DCLK1: variants seen among roughly 807,000 people sequenced by gnomAD.
The protein encoded by DCLK1 is doublecortin like kinase 1, also known as serine/threonine-protein kinase DCLK1.
A neutral mutation model predicts 86.2 loss-of-function variants in DCLK1; 16 were observed. That is an observed-to-expected ratio of 0.19 (90% CI 0.13 to 0.28). The LOEUF (loss-of-function observed/expected upper bound fraction) is 0.28. Ranked by LOEUF, DCLK1 falls within the 10% of genes least tolerant of loss-of-function variation. The pLI is 1.00. For missense variants in DCLK1, 590 were observed against 940.2 expected (o/e 0.63, Z 4.87); for synonymous variants, 369 against 370.5 (o/e 1.00, Z 0.05).
chr13:35,813,527 G>A (rs2087196326), intron 11 of DCLK1, among the ~76,000 whole-genome samples: 1 of 151,926 alleles, frequency 6.6e-6, no homozygotes, highest in Non-Finnish European at 1.5e-5. Flanking sequence ...GAAAAATATA[G>A]TTCAAAGTTT....
chr13:35,795,396 C>T (rs1308069859), intron 15 of DCLK1, among the ~76,000 whole-genome samples: 1 of 152,180 alleles, frequency 6.6e-6, no homozygotes, highest in Non-Finnish European at 1.5e-5. Flanking sequence ...GAATTGAAGC[C>T]TTCATCTCCA....
intron 2 of DCLK1, 37 bp downstream of exon 2, chr13:36,125,725 C>A: frequency 6.3e-7 from 1 of 1,582,830 alleles, no homozygotes; most frequent in Non-Finnish European, 8.6e-7. Flanking sequence ...AGCCTGGAAC[C>A]TGTAGGGTCA....
At chr13:36,113,550 A>T (rs1396630889) in intron 2 of DCLK1, among the ~76,000 whole-genome samples, 4 of 152,110 alleles carry the variant, frequency 2.6e-5, no homozygotes, top group Admixed American at 2.6e-4. Flanking sequence ...TTTGGGTACT[A>T]TAGAAACAGC....
intron 4 of DCLK1, among the ~76,000 whole-genome samples, chr13:35,872,760 C>T (rs1872359157): frequency 6.6e-6 from 1 of 151,934 alleles, no homozygotes; most frequent in Non-Finnish European, 1.5e-5. Context: ...TTGTTCTTTC[C>T]CCTTCAATAT....
At chr13:35,827,806 C>A in intron 9 of DCLK1, 52 bp from the exon 10 acceptor site, 1 of 1,604,606 alleles carries the variant, frequency 6.2e-7, no homozygotes, top group Non-Finnish European at 8.5e-7. Flanking sequence ...ATGTGGAGGG[C>A]TAACTCAAAT....
Position 35,871,214 on chromosome 13 carries a change from G to A in DCLK1, c.940+10C>T, listed in dbSNP as rs376432651. On this transcript the variant is annotated intron_variant, in intron 5 of 16. Transcript: ENST00000360631. ...AGGCAATTTCTTCAAAATCCCCTCT[G>A]CTGCTTTACCTGAGCTGGTGGAGGC... is the stretch of plus-strand genomic sequence containing the variant. The A allele has an allele frequency of 3.1e-6, 5 of 1,608,692 alleles. No homozygotes were observed. The highest frequency in any genetic ancestry group is 1.1e-5 in the South Asian group (1 of 90,810).
intron 3 of DCLK1, among the ~76,000 whole-genome samples, chr13:35,964,297 A>G (rs1307755691): frequency 1.3e-5 from 2 of 152,202 alleles, no homozygotes; most frequent in African/African-American, 4.8e-5. Flanking sequence ...AATTTGTAAT[A>G]TAGGATTGTG....
chr13:35,969,675 G>A (rs1362459278), intron 3 of DCLK1, among the ~76,000 whole-genome samples: 4 of 152,158 alleles, frequency 2.6e-5, no homozygotes, highest in Non-Finnish European at 5.9e-5. Context: ...CCTAAGAAAC[G>A]CTGGCCCTCC....
At chr13:35,869,319 G>A (rs1330533887) in intron 5 of DCLK1, among the ~76,000 whole-genome samples, 1 of 152,170 alleles carries the variant, frequency 6.6e-6, no homozygotes, top group Non-Finnish European at 1.5e-5. Flanking sequence ...CCTGGGGAAG[G>A]GATCATCTTC....
intron 3 of DCLK1, among the ~76,000 whole-genome samples, chr13:36,098,379 C>T (rs1885086470): frequency 6.6e-6 from 1 of 152,202 alleles, no homozygotes; most frequent in African/African-American, 2.4e-5. Flanking sequence ...ACTGATCTGA[C>T]ACACTTTCTT....
At chr13:36,089,090 T>C (rs1041059354) in intron 3 of DCLK1, among the ~76,000 whole-genome samples, 6 of 152,208 alleles carry the variant, frequency 3.9e-5, no homozygotes, top group Admixed American at 1.3e-4. Flanking sequence ...AAGTTGGAGG[T>C]GAAAAGTCTG....
intron 4 of DCLK1, among the ~76,000 whole-genome samples, chr13:35,907,327 T>C (rs1874742621): frequency 1.3e-5 from 2 of 152,080 alleles, no homozygotes; most frequent in South Asian, 4.1e-4. Context: ...CACACCTGGC[T>C]AATTTAAATT....
chr13:35,932,328 G>A (rs1169209122), intron 4 of DCLK1, among the ~76,000 whole-genome samples: 2 of 152,072 alleles, frequency 1.3e-5, no homozygotes, highest in Non-Finnish European at 2.9e-5. Flanking sequence ...GCTTTCCTGG[G>A]TCACCAGCTT....
chr13:35,939,274 G>T (rs940483876), intron 4 of DCLK1, among the ~76,000 whole-genome samples: 2 of 152,212 alleles, frequency 1.3e-5, no homozygotes, highest in Admixed American at 1.3e-4. Flanking sequence ...CAGACATCAG[G>T]CTGAATTCTA....
chr13:35,975,409 A>G (rs1328696325), intron 3 of DCLK1, among the ~76,000 whole-genome samples: 1 of 152,136 alleles, frequency 6.6e-6, no homozygotes, highest in African/African-American at 2.4e-5. Context: ...TGCCAGAAAC[A>G]CAAGGGCAAC....
chr13:35,774,741 G>A (rs755368680), intron 16 of DCLK1, 42 bp from the exon 17 acceptor site: 7 of 1,581,600 alleles, frequency 4.4e-6, no homozygotes, highest in African/African-American at 1.4e-5. Context: ...ATTAGGGCGA[G>A]GGAAATGGCA....
chr13:35,828,106 A>C (rs1449459580), intron 9 of DCLK1, 144 bp downstream of exon 9: 1 of 657,872 alleles, frequency 1.5e-6, no homozygotes, highest in Admixed American at 2.9e-5. Context: ...GATATACATA[A>C]AGTTATATTC....
At chr13:35,993,187 A>G (rs1313243211) in intron 3 of DCLK1, among the ~76,000 whole-genome samples, 1 of 151,842 alleles carries the variant, frequency 6.6e-6, no homozygotes, top group East Asian at 1.9e-4. Context: ...TCTAAGACCT[A>G]CTCTCCTTTC....
intron 3 of DCLK1, among the ~76,000 whole-genome samples, chr13:36,003,671 T>C (rs547407176): frequency 3.4e-4 from 51 of 152,158 alleles, no homozygotes; most frequent in Non-Finnish European, 5.0e-4. Flanking sequence ...TAAAGAATAT[T>C]GATTGAAAAA....
Sources: gnomAD v4.1 joint callset for allele counts (sites outside exome capture counted in the v4.1 genomes callset) on GRCh38, gnomAD v4.1.1 for gene constraint, MANE v1.5 for transcripts, NCBI Gene and HGNC (gene_info 2026-07-23, HGNC 2026-07-21) for gene names.